The following MACROD2 variants were observed in gnomAD, a reference collection of about 807,000 sequenced individuals.
MACROD2 encodes the protein ADP-ribose glycohydrolase MACROD2.
Under a neutral mutation model 70.4 loss-of-function variants are expected in MACROD2, and 36 were observed. That is an observed-to-expected ratio of 0.51 (90% CI 0.39 to 0.68). The LOEUF is 0.68. MACROD2 is among the 30% of genes least tolerant of loss of function. The pLI is 0.00. For missense variants in MACROD2, 496 were observed against 538.4 expected (o/e 0.92, Z 0.78); for synonymous variants, 172 against 178.8 (o/e 0.96, Z 0.30).
chr20:15,462,301 G>A (rs2046830141), intron 7 of MACROD2, among the ~76,000 whole-genome samples: 1 of 152,172 alleles, frequency 6.6e-6, no homozygotes, highest in Non-Finnish European at 1.5e-5. Flanking sequence ...TTTTACCCGT[G>A]CCGTTGAGAT....
chr20:14,935,833 T>C (rs185624173), intron 5 of MACROD2, among the ~76,000 whole-genome samples: 8 of 152,310 alleles, frequency 5.3e-5, no homozygotes, highest in South Asian at 4.1e-4. Context: ...TTGTTTGACT[T>C]TTGCATTAAT....
At position 14,685,458 on chromosome 20, in the gene MACROD2, A is replaced by G. The variant is rs749044010; in HGVS notation, c.418+499A>G. ...TCTGTCACACTTTGCTTTCAGGAAA[A>G]GCCAACGAAATCTGGTTGTCAGTGT... On this transcript the variant is annotated intron_variant, in intron 5 of 17. Transcript: ENST00000684519. 5.8e-4 allele frequency among the ~76,000 whole-genome samples: 88 copies of G among 152,230 alleles called. 1 individual carries two copies. The highest frequency in any genetic ancestry group is 1.9e-4 in the Non-Finnish European group (13 of 68,038).
intron 5 of MACROD2, among the ~76,000 whole-genome samples, chr20:15,090,191 GGATA>G (rs2075782656): frequency 8.7e-6 from 1 of 115,070 alleles, no homozygotes; most frequent in Non-Finnish European, 1.9e-5. Context: ...ATATCACTTT[GGATA>G]GATAAATGTA....
intron 5 of MACROD2, among the ~76,000 whole-genome samples, chr20:14,747,063 G>A (rs978021428): frequency 2.0e-5 from 3 of 152,154 alleles, no homozygotes; most frequent in Non-Finnish European, 2.9e-5. Flanking sequence ...CCCATCATAT[G>A]TCCAGTCCTC....
intron 10 of MACROD2, among the ~76,000 whole-genome samples, chr20:15,909,510 T>C (rs1325174962): frequency 7.0e-6 from 1 of 142,058 alleles, no homozygotes; most frequent in African/African-American, 2.6e-5. Flanking sequence ...AAGTACATAA[T>C]ACAATTTTTT....
At chr20:15,713,014 T>A (rs754800039) in intron 8 of MACROD2, among the ~76,000 whole-genome samples, 3 of 152,120 alleles carry the variant, frequency 2.0e-5, no homozygotes, top group Non-Finnish European at 4.4e-5. Flanking sequence ...CAGTCCTGAG[T>A]CATTAAGGGT....
intron 3 of MACROD2, among the ~76,000 whole-genome samples, chr20:14,155,751 C>A (rs1256662668): frequency 6.6e-6 from 1 of 151,970 alleles, no homozygotes; most frequent in African/African-American, 2.4e-5. Context: ...TCAGGATACC[C>A]TTTTCTATGA....
intron 8 of MACROD2, 113 bp downstream of exon 8, chr20:15,499,960 C>T (rs1261991655): frequency 3.2e-6 from 3 of 930,054 alleles, no homozygotes; most frequent in Non-Finnish European, 5.0e-6. Context: ...GTCATTGAGC[C>T]AAACCTAGCT....
At chr20:15,416,851 C>A (rs374035911) in intron 6 of MACROD2, among the ~76,000 whole-genome samples, 5 of 151,794 alleles carry the variant, frequency 3.3e-5, no homozygotes, top group African/African-American at 1.2e-4. Context: ...TGCAGTGAGC[C>A]GAGATCGCGC....
At chr20:14,971,706 A>G (rs2074693091) in intron 5 of MACROD2, among the ~76,000 whole-genome samples, 1 of 152,042 alleles carries the variant, frequency 6.6e-6, no homozygotes, top group African/African-American at 2.4e-5. Flanking sequence ...TGGTATTTTC[A>G]CATAGGGCCC....
At chr20:15,939,372 T>G (rs1191946022) in intron 12 of MACROD2, among the ~76,000 whole-genome samples, 1 of 152,146 alleles carries the variant, frequency 6.6e-6, no homozygotes, top group East Asian at 1.9e-4. Context: ...CATTTACTAT[T>G]CCAAGAATCC....
At chr20:14,497,992 C>A (rs1425243628) in intron 4 of MACROD2, among the ~76,000 whole-genome samples, 1 of 151,692 alleles carries the variant, frequency 6.6e-6, no homozygotes, top group Non-Finnish European at 1.5e-5. Context: ...CCTTCTGCCC[C>A]TTAGAGTAGG....
chr20:14,934,824 A>AAAGGTTT (rs139977862), intron 5 of MACROD2: 9,251 of 152,164 alleles, frequency 0.061, 284 homozygotes, highest in African/African-American at 0.074. Context: ...TAATAAAAGA[A>AAAGGTTT]AAGGTTTAAC....
chr20:14,563,249 G>A (rs1316852498), intron 4 of MACROD2, among the ~76,000 whole-genome samples: 1 of 151,790 alleles, frequency 6.6e-6, no homozygotes, highest in Non-Finnish European at 1.5e-5. Flanking sequence ...CAAAGTTCTT[G>A]CACAAGTTTC....
chr20:14,645,639 G>C (rs973382489), intron 4 of MACROD2, among the ~76,000 whole-genome samples: 1 of 151,842 alleles, frequency 6.6e-6, no homozygotes, highest in Non-Finnish European at 1.5e-5. Context: ...CTAGAGCATC[G>C]CCATAATGTA....
chr20:15,502,076 G>A (rs1390510527), intron 8 of MACROD2, among the ~76,000 whole-genome samples: 3 of 152,012 alleles, frequency 2.0e-5, no homozygotes, highest in Non-Finnish European at 4.4e-5. Flanking sequence ...TGTCATATTG[G>A]TAGTCTAGAA....
intron 5 of MACROD2, among the ~76,000 whole-genome samples, chr20:14,707,948 T>C (rs1046141662): frequency 2.0e-5 from 3 of 152,194 alleles, no homozygotes; most frequent in African/African-American, 7.2e-5. Flanking sequence ...TATAGTCTAG[T>C]GCTTGGTAAT....
At chr20:15,243,882 C>T (rs1473166167) in intron 6 of MACROD2, among the ~76,000 whole-genome samples, 6 of 151,146 alleles carry the variant, frequency 4.0e-5, no homozygotes, top group African/African-American at 7.3e-5. Context: ...GCCAAGATTA[C>T]GCCACTGCAC....
At chr20:14,309,004 C>G (rs1601459302) in intron 3 of MACROD2, among the ~76,000 whole-genome samples, 1 of 152,228 alleles carries the variant, frequency 6.6e-6, no homozygotes, top group East Asian at 1.9e-4. Flanking sequence ...ACTGGGTTTC[C>G]TGTGTATCTT....
Sources: allele counts gnomAD v4.1 joint callset (sites outside exome capture counted in the v4.1 genomes callset), GRCh38; gene constraint gnomAD v4.1.1; transcripts MANE v1.5; gene names NCBI Gene and HGNC (gene_info 2026-07-23, HGNC 2026-07-21).